Variants in ROCK1 observed in about 807,000 individuals in gnomAD.
The protein encoded by ROCK1 is rho-associated protein kinase 1.
ROCK1 carries 36 observed loss-of-function variants against 196.8 expected under a neutral mutation model. That is an observed-to-expected ratio of 0.18 (90% CI 0.14 to 0.24). The LOEUF is 0.24. Among genes scored for constraint, ROCK1 ranks in the 10% least tolerant of loss-of-function variants. The probability of loss-of-function intolerance (pLI) is 1.00; values close to 1 mark genes in which losing one functional copy is unlikely to be tolerated. For missense variants in ROCK1, 920 were observed against 1,562.0 expected, an observed-to-expected ratio of 0.59 and a Z score of 6.93; for synonymous variants, 443 against 515.9, an observed-to-expected ratio of 0.86 and a Z score of 1.91.
chr18:21,025,216 A>G (rs1231368450), intron 10 of ROCK1, among the ~76,000 whole-genome samples: 1 of 152,220 alleles, frequency 6.6e-6, no homozygotes, highest in Non-Finnish European at 1.5e-5. Context: ...TCATTTAGGT[A>G]ACTTTTTACA....
chr18:21,026,194 C>T (rs995676092), intron 10 of ROCK1, among the ~76,000 whole-genome samples: 2 of 152,090 alleles, frequency 1.3e-5, no homozygotes, highest in Non-Finnish European at 2.9e-5. Flanking sequence ...CCTGTAATCC[C>T]AGCACTTTGG....
chr18:21,003,971 A>G (rs535131758), intron 16 of ROCK1, among the ~76,000 whole-genome samples: 49 of 152,260 alleles, frequency 3.2e-4, no homozygotes, highest in African/African-American at 1.2e-3. Flanking sequence ...TTTGCCTTTC[A>G]ATCTGAAGAA....
Position 20,986,961 on chromosome 18 carries a change from T to C in ROCK1, c.2293A>G (p.Met765Val), listed in dbSNP as rs777999804. ...LEHLTGNKER[M>V]EDEVKNLTLQ... Reference sequence around the variant, plus strand: ...ACTATTTTTCTTACTTCATCCTCCATCCTTTCTTTATTTCCAGTCAAATGT... The same window carrying C: ...ACTATTTTTCTTACTTCATCCTCCACCCTTTCTTTATTTCCAGTCAAATGT... The change falls in exon 19 of 33, where the codon ATG becomes GTG. Residue 765 changes from methionine (M) to valine (V), a missense_variant. Physicochemically the swap from Met to Val is conservative, Grantham distance 21 (BLOSUM62 1). Around this residue, in one of 6 missense-constraint regions of ROCK1, gnomAD observed 520 missense variants for 657.1 expected, o/e 0.79. Coordinates refer to ENST00000399799, the MANE Select transcript of ROCK1 (RefSeq NM_005406.3). 1 of 1,595,352 alleles carries C rather than the reference T, an allele frequency of 6.3e-7. No homozygotes were observed.
intron 29 of ROCK1, among the ~76,000 whole-genome samples, chr18:20,959,121 ATATATATAT>A (rs1206245915): frequency 4.8e-4 from 25 of 52,068 alleles, no homozygotes; most frequent in South Asian, 1.5e-3. Context: ...ATATTATATA[ATATATATAT>A]TATATATATT....
intron 12 of ROCK1, among the ~76,000 whole-genome samples, chr18:21,019,576 G>A (rs995737160): frequency 6.6e-5 from 10 of 151,986 alleles, no homozygotes; most frequent in Admixed American, 2.6e-4. Flanking sequence ...GGCAGATCAC[G>A]AGGTCAGGAG....
At chr18:21,033,572 T>C (rs2036028761) in intron 9 of ROCK1, among the ~76,000 whole-genome samples, 3 of 151,932 alleles carry the variant, frequency 2.0e-5, no homozygotes, top group South Asian at 2.1e-4. Flanking sequence ...GATCCTATCA[T>C]AGAAAACCCT....
intron 31 of ROCK1, among the ~76,000 whole-genome samples, chr18:20,954,210 T>G (rs990657340): frequency 1.2e-4 from 17 of 139,844 alleles, no homozygotes; most frequent in Non-Finnish European, 2.5e-4. Context: ...TGCTCTTCTC[T>G]CCAACTTGGA....
chr18:20,973,202 A>G (rs1157439492), intron 22 of ROCK1, among the ~76,000 whole-genome samples: 1 of 151,696 alleles, frequency 6.6e-6, no homozygotes, highest in African/African-American at 2.4e-5. Context: ...TTTAGAGGAG[A>G]TATCTAAATA....
intron 12 of ROCK1, among the ~76,000 whole-genome samples, chr18:21,019,397 C>T (rs1328071347): frequency 6.6e-6 from 1 of 152,134 alleles, no homozygotes; most frequent in Non-Finnish European, 1.5e-5. Context: ...TCACGTGATC[C>T]ACCATGTGCA....
chr18:21,082,473 A>G (rs1483660731), intron 1 of ROCK1, among the ~76,000 whole-genome samples: 1 of 152,232 alleles, frequency 6.6e-6, no homozygotes. Context: ...TATGAGAAGA[A>G]GTACACACCA....
chr18:21,019,594 C>T (rs2035895065), intron 12 of ROCK1, among the ~76,000 whole-genome samples: 1 of 151,692 alleles, frequency 6.6e-6, no homozygotes, highest in African/African-American at 2.4e-5. Context: ...GAGATCGAGA[C>T]CATCCTGGCT....
At chr18:21,008,301 A>G in intron 13 of ROCK1, 107 bp from the exon 14 acceptor site, 1 of 789,018 alleles carries the variant, frequency 1.3e-6, no homozygotes, top group Non-Finnish European at 1.9e-6. Context: ...AAAAAGACAA[A>G]CACTTAAGAT....
intron 19 of ROCK1, among the ~76,000 whole-genome samples, chr18:20,986,186 G>A (rs569291260): frequency 7.8e-4 from 119 of 152,198 alleles, no homozygotes; most frequent in Admixed American, 1.6e-3. Flanking sequence ...AAAGAGTATC[G>A]ATACTTTGGC....
At chr18:20,959,166 A>T (rs1487822764) in intron 29 of ROCK1, among the ~76,000 whole-genome samples, 1 of 78,340 alleles carries the variant, frequency 1.3e-5, no homozygotes, top group South Asian at 2.9e-4. Flanking sequence ...ATTATATATT[A>T]TATAATATAT....
At chr18:21,041,229 T>G (rs543478985) in intron 8 of ROCK1, among the ~76,000 whole-genome samples, 110 of 147,544 alleles carry the variant, frequency 7.5e-4, no homozygotes, top group African/African-American at 2.7e-3. Context: ...CCCAGGAGTT[T>G]GAAACCAGCC....
At chr18:21,092,598 A>AAAAAAAAAAAC in intron 1 of ROCK1, among the ~76,000 whole-genome samples, 1 of 151,738 alleles carries the variant, frequency 6.6e-6, no homozygotes, top group Admixed American at 6.6e-5. Context: ...AAAAAAAAAA[A>AAAAAAAAAAAC]AAAAAACCAA....
Position 21,042,719 on chromosome 18 carries a change from G to C in ROCK1, c.676-10C>G, listed in dbSNP as rs369884842. On this transcript the variant is annotated splice_polypyrimidine_tract_variant and intron_variant, in intron 6 of 32. Coordinates refer to ENST00000399799, the MANE Select transcript of ROCK1 (RefSeq NM_005406.3). ...ATCGTACCATGCCTTCCTAAAAAGC[G>C]CGGCAGGTCAAATTTTGAATTAGGA... 4 of 1,577,866 alleles carry C rather than the reference G, an allele frequency of 2.5e-6. No homozygotes were observed. Among genetic ancestry groups the C allele is most frequent in the Non-Finnish European group, 3.4e-6 (4 of 1,164,296 alleles).
chr18:21,091,903 C>A (rs553526249), intron 1 of ROCK1, among the ~76,000 whole-genome samples: 1 of 151,464 alleles, frequency 6.6e-6, no homozygotes, highest in African/African-American at 2.4e-5. Context: ...CGGGGGTGGG[C>A]GGTGGGGCAA....
rs1356462163 is a variant in ROCK1, at chr18:21,016,876, G to GC, written c.1362-1398dup. ...TTACACTTAAATTCCAAATTTCTTA[G>GC]CCCCCCCGCAAAAAAAAAGAGAAAA... is the stretch of plus-strand genomic sequence containing the variant. On this transcript the variant is annotated intron_variant, in intron 12 of 32. Coordinates refer to ENST00000399799, the MANE Select transcript of ROCK1 (RefSeq NM_005406.3). 1.8e-4 allele frequency among the ~76,000 whole-genome samples: 27 copies of GC among 149,768 alleles called. 1 individual carries two copies. The highest frequency in any genetic ancestry group is 4.2e-4 in the South Asian group (2 of 4,730).
Sources: allele counts gnomAD v4.1 joint callset (sites outside exome capture counted in the v4.1 genomes callset), GRCh38; gene constraint gnomAD v4.1.1; regional missense constraint gnomAD v4.1.1; transcripts MANE v1.5; gene names NCBI Gene and HGNC (gene_info 2026-07-23, HGNC 2026-07-21).